The following NFX1 variants were observed in gnomAD, a reference collection of about 807,000 sequenced individuals.
NFX1 encodes the protein transcriptional repressor NF-X1.
A neutral mutation model predicts 137.2 loss-of-function variants in NFX1; 69 were observed. The observed-to-expected ratio is 0.50, with a 90% CI of 0.41 to 0.61. The LOEUF is 0.61. Among genes scored for constraint, NFX1 ranks in the 20% least tolerant of loss-of-function variants. The pLI is 0.00. For synonymous variants in NFX1, 495 were observed against 474.1 expected (o/e 1.04, Z -0.57); for missense variants, 1,167 against 1,391.0 (o/e 0.84, Z 2.56).
chr9:33,342,065 A>G (rs1033623903), intron 12 of NFX1, among the ~76,000 whole-genome samples: 7 of 151,850 alleles, frequency 4.6e-5, no homozygotes, highest in African/African-American at 1.7e-4. Context: ...GCAGTGAGCC[A>G]AGATCGCACC....
rs149326448 is a variant in NFX1 at position 33,318,731 on chromosome 9, T to C, written c.1589T>C (p.Val530Ala). Residue 530 changes from valine to alanine, a missense_variant and splice_region_variant, in exon 8 of 24, where the codon GTA becomes GCA. Val to Ala is a moderately conservative substitution (Grantham distance 64). This residue lies in a region of NFX1 where 488 missense variants were observed against 691.5 expected (regional missense o/e 0.71). Coordinates refer to ENST00000379540, the MANE Select transcript of NFX1 (RefSeq NM_002504.6). ...CQPCQIILNQ[V>A]CYCGSTSRDV... ...TTGTTTTTGAAATTTTCTCTTCAAG[T>C]ATGCTATTGCGGCAGCACCTCCCGA... The C allele has an allele frequency of 8.7e-6, 14 of 1,614,012 alleles. No homozygotes were observed. The African/African-American group carries it at 1.3e-4, about 15-fold the overall frequency.
At chr9:33,364,136 A>G (rs917281720) in intron 20 of NFX1, 28 bp downstream of exon 20, 1 of 1,528,314 alleles carries the variant, frequency 6.5e-7, no homozygotes, top group Non-Finnish European at 9.0e-7. Flanking sequence ...TGCTTTCTTA[A>G]TTGTGGCTTG....
In NFX1 at chr9:33,294,775, G is replaced by C; in HGVS notation, c.381G>C (p.Gln127His). The change falls in exon 2 of 24, where the codon CAG becomes CAC. Residue 127 changes from glutamine (Q) to histidine (H), a missense_variant. Physicochemically the swap from Gln to His is conservative, Grantham distance 24. Coordinates refer to ENST00000379540, the MANE Select transcript of NFX1 (RefSeq NM_002504.6). ...RVKKAQSLAE[Q>H]TSDTAGLESS... is the part of the protein sequence containing the mutation. ...AGAAAGCACAGAGTCTTGCTGAGCA[G>C]ACCTCAGATACAGCTGGATTAGAGA... 1.2e-6 allele frequency: 2 copies of C among 1,614,090 alleles called. No homozygotes were observed. The highest frequency in any genetic ancestry group is 1.7e-6 in the Non-Finnish European group (2 of 1,180,036).
chr9:33,307,046 T>C (rs78936795), intron 4 of NFX1, 148 bp from the exon 5 acceptor site: 31,243 of 515,152 alleles, frequency 0.061, 1,058 homozygotes, highest in East Asian at 0.093. Context: ...ATTTATCTTT[T>C]TATTTTAAGA....
At chr9:33,314,531 A>T (rs1587832331) in intron 7 of NFX1, among the ~76,000 whole-genome samples, 1 of 151,684 alleles carries the variant, frequency 6.6e-6, no homozygotes, top group South Asian at 2.1e-4. Context: ...ACAAAAATTA[A>T]CTGGGCGTGG....
intron 11 of NFX1, 61 bp downstream of exon 11, chr9:33,332,563 T>C: frequency 8.0e-7 from 1 of 1,253,032 alleles, no homozygotes; most frequent in South Asian, 1.3e-5. Context: ...CTCTGAATCT[T>C]GTTAGGGAGT....
At chr9:33,357,009 A>G (rs1446437290) in intron 19 of NFX1, among the ~76,000 whole-genome samples, 1 of 151,144 alleles carries the variant, frequency 6.6e-6, no homozygotes, top group East Asian at 1.9e-4. Flanking sequence ...AAAAAAAAAA[A>G]TAAGCCGGGC....
At chr9:33,367,657 G>A in intron 23 of NFX1, 38 bp downstream of exon 23, 1 of 1,599,712 alleles carries the variant, frequency 6.3e-7, no homozygotes, top group Non-Finnish European at 8.6e-7. Flanking sequence ...GGACCTGTCT[G>A]TCCAGAAAAG....
chr9:33,293,429 A>G (rs1033149306), intron 1 of NFX1, among the ~76,000 whole-genome samples: 1 of 152,120 alleles, frequency 6.6e-6, no homozygotes, highest in African/African-American at 2.4e-5. Flanking sequence ...CATTTTAACC[A>G]TTTTGTGTGT....
At position 33,318,788 on chromosome 9, in the gene NFX1, C is replaced by G. The variant is rs1272542340; in HGVS notation, c.1646C>G (p.Ser549Cys). Reference sequence around the variant, plus strand: ...TTATGTGGAACCGATGTAGGAAAGTCTGATGGATTTGGGGATTTCAGCTGT... The same window carrying G: ...TTATGTGGAACCGATGTAGGAAAGTGTGATGGATTTGGGGATTTCAGCTGT... Reference protein sequence around the residue: ...DVLCGTDVGKSDGFGDFSCLK... With the variant: ...DVLCGTDVGKCDGFGDFSCLK... The change falls in exon 8 of 24, where the codon TCT becomes TGT. Residue 549 changes from serine to cysteine, a missense_variant. This residue lies in a region of NFX1 where 488 missense variants were observed against 691.5 expected (regional missense o/e 0.71). Transcript: ENST00000379540. 5 of 1,614,058 alleles carry G rather than the reference C, an allele frequency of 3.1e-6. No individual in the cohort carries two copies. In the African/African-American group the frequency reaches 6.7e-5, roughly 22 times the overall value.
chr9:33,297,333 C>G (rs988096656), intron 2 of NFX1, among the ~76,000 whole-genome samples: 6 of 152,184 alleles, frequency 3.9e-5, no homozygotes, highest in African/African-American at 7.2e-5. Flanking sequence ...GCCTATAGTT[C>G]TAGTTTCTTG....
At position 33,350,820 on chromosome 9, in the gene NFX1, G is replaced by T. The variant is rs569402956; in HGVS notation, c.2425-740G>T. 2.4e-4 allele frequency among the ~76,000 whole-genome samples: 36 copies of T among 152,326 alleles called. 1 individual carries two copies. The highest frequency in any genetic ancestry group is 8.7e-4 in the African/African-American group (36 of 41,562). On this transcript the variant is annotated intron_variant, in intron 15 of 23. Coordinates refer to ENST00000379540, the MANE Select transcript of NFX1 (RefSeq NM_002504.6). ...AGCTTAGGCAACATAGTGAGACCCTGTCTCTAAAAATTAAAGTAATAATAA... is the reference window on the plus strand; with the variant it reads ...AGCTTAGGCAACATAGTGAGACCCTTTCTCTAAAAATTAAAGTAATAATAA...
At chr9:33,299,198 T>C (rs532978433) in intron 2 of NFX1, among the ~76,000 whole-genome samples, 1 of 152,330 alleles carries the variant, frequency 6.6e-6, no homozygotes, top group South Asian at 2.1e-4. Flanking sequence ...GGTATAATCA[T>C]ATTAACTAAA....
At chr9:33,336,153 A>G (rs1473086623) in intron 11 of NFX1, among the ~76,000 whole-genome samples, 1 of 152,158 alleles carries the variant, frequency 6.6e-6, no homozygotes, top group Non-Finnish European at 1.5e-5. Context: ...TATTCCTACC[A>G]TCAGTGTATG....
intron 10 of NFX1, among the ~76,000 whole-genome samples, chr9:33,330,795 A>T (rs1315670282): frequency 6.6e-6 from 1 of 152,156 alleles, no homozygotes; most frequent in Non-Finnish European, 1.5e-5. Context: ...GAATTTTTGC[A>T]AGTAGAAGTC....
chr9:33,364,372 G>T (rs1824106760), intron 20 of NFX1, among the ~76,000 whole-genome samples: 1 of 152,126 alleles, frequency 6.6e-6, no homozygotes, highest in Admixed American at 6.5e-5. Context: ...CCAAGGGCTG[G>T]ACTAGACTAA....
At chr9:33,361,835 A>G (rs114596797) in intron 19 of NFX1, among the ~76,000 whole-genome samples, 39 of 151,394 alleles carry the variant, frequency 2.6e-4, no homozygotes, top group African/African-American at 9.5e-4. Context: ...GTTATAGTGA[A>G]AAAAGGGGCC....
In NFX1 at chr9:33,352,741, A is replaced by G. The variant is rs567603597; in HGVS notation, c.2729+22A>G. 4 of 1,581,304 alleles carry G rather than the reference A, an allele frequency of 2.5e-6. No homozygotes were observed. In the African/African-American group the frequency reaches 5.7e-5, roughly 23 times the overall value. On this transcript the variant is annotated intron_variant, in intron 17 of 23. Coordinates refer to ENST00000379540, the MANE Select transcript of NFX1 (RefSeq NM_002504.6). ...AAAGGTTAGTGTTACTTAAATGTTA[A>G]CAACTGATGGCCTAGGTGAAACAGA...
At chr9:33,295,727 T>G (rs1253242662) in intron 2 of NFX1, among the ~76,000 whole-genome samples, 1 of 149,766 alleles carries the variant, frequency 6.7e-6, no homozygotes, top group Non-Finnish European at 1.5e-5. Context: ...GATGTCTGGT[T>G]ACAAGATTTT....
Sources: gnomAD v4.1 joint callset for allele counts (sites outside exome capture counted in the v4.1 genomes callset) on GRCh38, gnomAD v4.1.1 for gene constraint, gnomAD v4.1.1 regional missense constraint, MANE v1.5 for transcripts, NCBI Gene and HGNC (gene_info 2026-07-23, HGNC 2026-07-21) for gene names.